The following STK3 variants were observed in gnomAD, a reference collection of about 807,000 sequenced individuals.
STK3 encodes the protein serine/threonine kinase 3.
STK3 carries 41 observed loss-of-function variants against 58.0 expected under a neutral mutation model. The observed-to-expected ratio is 0.71, with a 90% confidence interval of 0.55 to 0.92. STK3 has a LOEUF of 0.92. Among genes scored for constraint, STK3 ranks in the 40% least tolerant of loss-of-function variants. The pLI is 0.00. For synonymous variants in STK3, 170 were observed against 191.0 expected (o/e 0.89, Z 0.91); for missense variants, 479 against 602.7 (o/e 0.79, Z 2.15).
At chr8:98,837,730 C>A (rs1835796755) in intron 3 of STK3, among the ~76,000 whole-genome samples, 1 of 152,144 alleles carries the variant, frequency 6.6e-6, no homozygotes, top group Non-Finnish European at 1.5e-5. Flanking sequence ...GAGTTCAAGA[C>A]TAGCCTGGGC....
chr8:98,828,455 A>AAAAAAAAAAAAAAAAAAAAC (rs1835403355), upstream of STK3, among the ~76,000 whole-genome samples: 2 of 150,556 alleles, frequency 1.3e-5, no homozygotes, highest in African/African-American at 4.9e-5. Context: ...AAAAAAAAAA[A>AAAAAAAAAAAAAAAAAAAAC]AAAAAAAAAA....
rs142263605 is a variant in STK3 at position 98,552,059 on chromosome 8, G to A, written c.949-3898C>T. ...TAGCCCATTATTCTACTATATACAT[G>A]TACCTGAATTATGTTTAAATTTTTC... On this transcript the variant is annotated intron_variant, in intron 8 of 10. Transcript: ENST00000419617. 4.9e-3 allele frequency among the ~76,000 whole-genome samples: 751 copies of A among 152,096 alleles called. 6 individuals are homozygous for A. Among genetic ancestry groups the A allele is most frequent in the African/African-American group, 0.017 (700 of 41,498 alleles).
chr8:98,451,092 G>A (rs905470957), downstream of STK3, among the ~76,000 whole-genome samples: 4 of 152,142 alleles, frequency 2.6e-5, no homozygotes, highest in Non-Finnish European at 5.9e-5. Context: ...TATCAAAAAT[G>A]CATGGGTTAG....
At chr8:98,573,652 C>G (rs1813149386) in intron 8 of STK3, among the ~76,000 whole-genome samples, 1 of 152,006 alleles carries the variant, frequency 6.6e-6, no homozygotes, top group South Asian at 2.1e-4. Context: ...CAACAGTCCC[C>G]CAAAGTCTTA....
At chr8:98,349,000 A>T in the STK3 span, among the ~76,000 whole-genome samples, 1 of 152,246 alleles carries the variant, frequency 6.6e-6, no homozygotes, top group Admixed American at 6.5e-5. Context: ...CTTGGAAGCA[A>T]CCATGATGTC....
chr8:98,762,342 A>G (rs1286293972), intron 3 of STK3, among the ~76,000 whole-genome samples: 3 of 151,680 alleles, frequency 2.0e-5, no homozygotes, highest in African/African-American at 4.8e-5. Context: ...TGCAACCTCT[A>G]CCTCTCGGGT....
rs142972889 is a variant in STK3, at chr8:98,375,479, T to C, written n.111+3674A>G. Reference sequence around the variant, plus strand: ...TAGAGTAGAATTTTAACATACAGATTCATTTAATACTACTATAATCAGGAT... The same window carrying C: ...TAGAGTAGAATTTTAACATACAGATCCATTTAATACTACTATAATCAGGAT... On this transcript the variant is annotated intron_variant and non_coding_transcript_variant, in intron 2 of 2. Coordinates refer to the STK3 transcript ENST00000518704. 3.4e-3 allele frequency among the ~76,000 whole-genome samples: 522 copies of C among 152,236 alleles called. 3 individuals are homozygous for C. Among genetic ancestry groups the C allele is most frequent in the African/African-American group, 0.012 (491 of 41,520 alleles).
At chr8:98,375,275 A>AAC (rs1817661833) in intron 2 of STK3, among the ~76,000 whole-genome samples, 1 of 143,104 alleles carries the variant, frequency 7.0e-6, no homozygotes, top group Non-Finnish European at 1.5e-5. Flanking sequence ...AAAAAACAAA[A>AAC]AAAAACAAAA....
At chr8:98,614,188 T>G (rs191784679) in intron 6 of STK3, among the ~76,000 whole-genome samples, 1 of 152,142 alleles carries the variant, frequency 6.6e-6, no homozygotes. Context: ...ATCAACAAAA[T>G]TTATAGAATA....
At chr8:98,466,717 A>G (rs1820493119) in intron 10 of STK3, among the ~76,000 whole-genome samples, 1 of 152,150 alleles carries the variant, frequency 6.6e-6, no homozygotes, top group Non-Finnish European at 1.5e-5. Flanking sequence ...AAGCGTGTGT[A>G]TGTATTTCCT....
intron 6 of STK3, among the ~76,000 whole-genome samples, chr8:98,697,024 A>ACT: frequency 6.6e-6 from 1 of 152,264 alleles, no homozygotes; most frequent in Non-Finnish European, 1.5e-5. Flanking sequence ...GACTATTGCC[A>ACT]CAATTTCAGA....
chr8:98,381,713 TA>T (rs1817734999), intron 1 of STK3, among the ~76,000 whole-genome samples: 1 of 152,148 alleles, frequency 6.6e-6, no homozygotes, highest in Admixed American at 6.5e-5. Flanking sequence ...ACATGGAGGC[TA>T]AAAAAGTTTC....
the STK3 span, among the ~76,000 whole-genome samples, chr8:98,362,303 G>C: frequency 6.6e-6 from 1 of 152,144 alleles, no homozygotes; most frequent in Non-Finnish European, 1.5e-5. Context: ...CTTATTGATG[G>C]CTTGGATGTG....
In STK3 at chr8:98,572,180, T is replaced by C. The variant is rs12681363; in HGVS notation, c.948+7484A>G. ...AATTAGTATTTTAAAAATCATCAAC[T>C]AAGTTCAAGAAATACATAAGAATGA... On this transcript the variant is annotated intron_variant, in intron 8 of 10. Transcript: ENST00000419617. 7.4e-3 allele frequency among the ~76,000 whole-genome samples: 1,130 copies of C among 152,264 alleles called. 23 individuals are homozygous for C. The East Asian group carries it at 0.079, about 11-fold the overall frequency.
At chr8:98,451,750 G>C (rs1386164750), downstream of STK3, among the ~76,000 whole-genome samples, 1 of 152,108 alleles carries the variant, frequency 6.6e-6, no homozygotes, top group East Asian at 1.9e-4. Context: ...CTGACTCCCT[G>C]GAAGTCACCA....
intron 6 of STK3, among the ~76,000 whole-genome samples, chr8:98,650,148 T>C (rs1286633705): frequency 6.6e-6 from 1 of 152,232 alleles, no homozygotes; most frequent in African/African-American, 2.4e-5. Flanking sequence ...ATCATAAGCA[T>C]ACAATCATAT....
intron 6 of STK3, among the ~76,000 whole-genome samples, chr8:98,657,748 T>C (rs1192621613): frequency 6.6e-6 from 1 of 152,058 alleles, no homozygotes; most frequent in Non-Finnish European, 1.5e-5. Context: ...CTTAATGTGA[T>C]TTCTTAAAAT....
At chr8:98,590,479 A>G (rs1815204832) in intron 7 of STK3, among the ~76,000 whole-genome samples, 1 of 152,142 alleles carries the variant, frequency 6.6e-6, no homozygotes, top group Non-Finnish European at 1.5e-5. Context: ...GGAGTGGCGG[A>G]TTTGAAATTG....
chr8:98,629,212 C>T (rs1818984641), intron 6 of STK3, among the ~76,000 whole-genome samples: 1 of 152,134 alleles, frequency 6.6e-6, no homozygotes, highest in Non-Finnish European at 1.5e-5. Flanking sequence ...GCCCATCACC[C>T]TAGACACAGA....
Sources: allele counts gnomAD v4.1 joint callset (sites outside exome capture counted in the v4.1 genomes callset), GRCh38; gene constraint gnomAD v4.1.1; transcripts MANE v1.5; gene names NCBI Gene and HGNC (gene_info 2026-07-23, HGNC 2026-07-21).